Variants in ANKS6 observed in about 807,000 individuals in gnomAD.
ANKS6 encodes ankyrin repeat and sterile alpha motif domain containing 6.
A neutral mutation model predicts 77.9 loss-of-function variants in ANKS6; 47 were observed. The observed-to-expected ratio is 0.60, with a 90% CI of 0.48 to 0.77. The LOEUF is 0.77. Among genes scored for constraint, ANKS6 ranks in the 30% least tolerant of loss-of-function variants. ANKS6 has a pLI of 0.00. For synonymous variants in ANKS6, 488 were observed against 501.7 expected (o/e 0.97, Z 0.37); for missense variants, 1,150 against 1,159.1 (o/e 0.99, Z 0.11).
At chr9:98,763,849 T>C (rs1023527430) in intron 11 of ANKS6, among the ~76,000 whole-genome samples, 1 of 152,154 alleles carries the variant, frequency 6.6e-6, no homozygotes, top group Admixed American at 6.5e-5. Flanking sequence ...AACAACTGTA[T>C]ATCCATAAAT....
At chr9:98,784,204 T>C (rs374948405) in intron 3 of ANKS6, 47 bp from the exon 4 acceptor site, 11 of 1,460,078 alleles carry the variant, frequency 7.5e-6, no homozygotes, top group Middle Eastern at 1.8e-4. Context: ...CCTGGTACCA[T>C]AGGCTGATTT....
At chr9:98,765,443 C>T (rs1736988275) in intron 11 of ANKS6, among the ~76,000 whole-genome samples, 1 of 152,222 alleles carries the variant, frequency 6.6e-6, no homozygotes, top group Admixed American at 6.5e-5. Context: ...ACCTGATTGG[C>T]TTTCAACCCA....
chr9:98,739,293 A>G (rs1172593340), intron 14 of ANKS6, among the ~76,000 whole-genome samples: 2 of 152,140 alleles, frequency 1.3e-5, no homozygotes, highest in African/African-American at 2.4e-5. Flanking sequence ...AAACAACAAC[A>G]ACGACAACAA....
In ANKS6 at chr9:98,752,177, T is replaced by C. The variant is rs181582641; in HGVS notation, c.2327-1081A>G. Among the ~76,000 whole-genome samples, 450 of 152,338 alleles carry C rather than the reference T, an allele frequency of 3.0e-3. 8 individuals carry two copies. The highest frequency in any genetic ancestry group is 6.6e-4 in the Non-Finnish European group (45 of 68,032). ...AGCAGCATCAAGGTAAATGACAGCA[T>C]TTCCAGTTTTACAAACGCTGTTTTA... On this transcript the variant is annotated intron_variant, in intron 12 of 14. Coordinates refer to ENST00000353234, the MANE Select transcript of ANKS6 (RefSeq NM_173551.5).
At chr9:98,751,385 C>A (rs904003885) in intron 12 of ANKS6, among the ~76,000 whole-genome samples, 23 of 152,176 alleles carry the variant, frequency 1.5e-4, no homozygotes, top group Non-Finnish European at 2.9e-4. Context: ...CTCCAGACTG[C>A]GACCCTCAAG....
chr9:98,755,254 G>A lies in ANKS6; in HGVS notation c.2326+1166C>T, dbSNP rs571575530. 5.9e-5 allele frequency among the ~76,000 whole-genome samples: 9 copies of A among 152,240 alleles called. No homozygotes were observed. In the Middle Eastern group the frequency reaches 0.01, roughly 173 times the overall value. ...TACTCCTCAGCAGCTGCAGCGAACT[G>A]CCCGCAAACGCATTTGTGAGGGCCA... On this transcript the variant is annotated intron_variant, in intron 12 of 14. Transcript: ENST00000353234.
intron 12 of ANKS6, among the ~76,000 whole-genome samples, chr9:98,754,337 T>G (rs999596643): frequency 6.6e-6 from 1 of 152,008 alleles, no homozygotes; most frequent in African/African-American, 2.4e-5. Context: ...CCCAGAAGAA[T>G]ATAATAAAAA....
intron 11 of ANKS6, among the ~76,000 whole-genome samples, chr9:98,765,870 T>A (rs1184241005): frequency 6.6e-6 from 1 of 152,238 alleles, no homozygotes; most frequent in Non-Finnish European, 1.5e-5. Flanking sequence ...GGCTCATATG[T>A]TGAATACTAA....
At chr9:98,736,754 A>T in intron 14 of ANKS6, 131 bp from the exon 15 acceptor site, 1 of 1,153,316 alleles carries the variant, frequency 8.7e-7, no homozygotes, top group Non-Finnish European at 1.2e-6. Flanking sequence ...AAAATAAATT[A>T]CCTAACTGAA....
chr9:98,771,783 G>A (rs139515784), intron 9 of ANKS6, among the ~76,000 whole-genome samples: 3,032 of 152,220 alleles, frequency 0.02, 52 homozygotes, highest in Non-Finnish European at 0.031. Flanking sequence ...CTGCCTAAGC[G>A]GTATAATATG....
intron 8 of ANKS6, among the ~76,000 whole-genome samples, chr9:98,774,992 C>T (rs544915194): frequency 5.1e-4 from 78 of 152,342 alleles, no homozygotes; most frequent in African/African-American, 1.8e-3. Flanking sequence ...ACACTGGCGC[C>T]CTCTACAGGG....
At chr9:98,767,310 G>C (rs966247846) in intron 11 of ANKS6, among the ~76,000 whole-genome samples, 3 of 152,096 alleles carry the variant, frequency 2.0e-5, no homozygotes, top group African/African-American at 7.2e-5. Flanking sequence ...TACACAAGTT[G>C]TTCCCTCACA....
intron 12 of ANKS6, among the ~76,000 whole-genome samples, chr9:98,754,719 G>T (rs1588346649): frequency 6.6e-6 from 1 of 151,878 alleles, no homozygotes; most frequent in South Asian, 2.1e-4. Flanking sequence ...CAAAGGGCTC[G>T]CTGCCTCAGG....
intron 1 of ANKS6, 110 bp downstream of exon 1, chr9:98,796,022 TA>T: frequency 9.4e-7 from 1 of 1,064,792 alleles, no homozygotes; most frequent in Non-Finnish European, 1.2e-6. Context: ...ATTCCAACTC[TA>T]AGGAGTCCTT....
In ANKS6 at chr9:98,732,501, C is replaced by CT; in HGVS notation, c.*4017dup. On this transcript the variant is annotated 3_prime_UTR_variant, in exon 15 of 15. Coordinates refer to ENST00000353234, the MANE Select transcript of ANKS6 (RefSeq NM_173551.5). Reference sequence around the variant, plus strand: ...GATGCCAGCAGAGCCACCTGAGCGGCTGCTACCTCTTGCCGGAGGCAGTTT... The same window carrying CT: ...GATGCCAGCAGAGCCACCTGAGCGGCTTGCTACCTCTTGCCGGAGGCAGTTT... The CT allele has an allele frequency of 6.4e-7, 1 of 1,550,592 alleles. No individual in the cohort carries two copies. The highest frequency in any genetic ancestry group is 8.7e-7 in the Non-Finnish European group (1 of 1,146,990).
intron 1 of ANKS6, among the ~76,000 whole-genome samples, chr9:98,793,380 C>G (rs1181448737): frequency 6.6e-6 from 1 of 152,196 alleles, no homozygotes; most frequent in African/African-American, 2.4e-5. Flanking sequence ...CTCTGTTCCT[C>G]AATTCCTCAT....
At chr9:98,762,351 G>T (rs2117971972) in intron 11 of ANKS6, among the ~76,000 whole-genome samples, 1 of 151,384 alleles carries the variant, frequency 6.6e-6, no homozygotes, top group African/African-American at 2.4e-5. Context: ...TTTTCTATGT[G>T]GACAGTCATG....
At chr9:98,778,077 A>G in intron 7 of ANKS6, 149 bp downstream of exon 7, 1 of 963,654 alleles carries the variant, frequency 1.0e-6, no homozygotes, top group Non-Finnish European at 1.5e-6. Flanking sequence ...CTGCCTAAGT[A>G]TCTTTTCCAC....
At chr9:98,744,920 A>G (rs1050018736) in intron 14 of ANKS6, among the ~76,000 whole-genome samples, 3 of 152,144 alleles carry the variant, frequency 2.0e-5, no homozygotes, top group African/African-American at 7.2e-5. Flanking sequence ...AGGAGTTCCA[A>G]TAGCCCAATA....
Sources: allele counts gnomAD v4.1 joint callset (sites outside exome capture counted in the v4.1 genomes callset), GRCh38; gene constraint gnomAD v4.1.1; transcripts MANE v1.5; gene names NCBI Gene and HGNC (gene_info 2026-07-23, HGNC 2026-07-21).